Variants in STK39 observed in about 807,000 individuals in gnomAD.
The protein encoded by STK39 is STE20/SPS1-related proline-alanine-rich protein kinase.
A neutral mutation model predicts 77.8 loss-of-function variants in STK39; 20 were observed. The observed-to-expected ratio is 0.26, with a 90% CI of 0.18 to 0.37. The LOEUF (loss-of-function observed/expected upper bound fraction) is 0.37, where lower values mean the gene tolerates loss of function less well. Ranked by LOEUF, STK39 falls within the 10% of genes least tolerant of loss-of-function variation. The pLI is 1.00. For missense variants in STK39, 479 were observed against 656.5 expected, an observed-to-expected ratio of 0.73 and a Z score of 2.95; for synonymous variants, 246 against 234.1, an observed-to-expected ratio of 1.05 and a Z score of -0.47.
At chr2:168,144,957 G>A (rs1209206842) in intron 5 of STK39, among the ~76,000 whole-genome samples, 2 of 148,614 alleles carry the variant, frequency 1.3e-5, no homozygotes, top group African/African-American at 5.0e-5. Context: ...CTCCAGTCTA[G>A]GCAACAGAGT....
At chr2:168,179,757 T>C (rs1253619426) in intron 2 of STK39, among the ~76,000 whole-genome samples, 5 of 152,176 alleles carry the variant, frequency 3.3e-5, no homozygotes, top group Non-Finnish European at 7.3e-5. Flanking sequence ...CTATGCTTAC[T>C]GGTTCCAGGA....
At chr2:168,019,607 G>A (rs1684520862) in intron 14 of STK39, among the ~76,000 whole-genome samples, 1 of 152,192 alleles carries the variant, frequency 6.6e-6, no homozygotes, top group African/African-American at 2.4e-5. Flanking sequence ...ACCCTGCCCT[G>A]GAGGTGGAGT....
intron 14 of STK39, among the ~76,000 whole-genome samples, chr2:168,024,737 A>C (rs1366223061): frequency 6.6e-6 from 1 of 152,192 alleles, no homozygotes; most frequent in Non-Finnish European, 1.5e-5. Context: ...CTGCTGGGAC[A>C]TGCTTGATGT....
intron 1 of STK39, among the ~76,000 whole-genome samples, chr2:168,216,023 G>C (rs1015815247): frequency 2.6e-5 from 4 of 152,138 alleles, no homozygotes; most frequent in African/African-American, 9.7e-5. Context: ...CCCTCCCACA[G>C]GGCATTCCAA....
chr2:168,242,671 G>A (rs908865249), intron 1 of STK39, among the ~76,000 whole-genome samples: 2 of 148,178 alleles, frequency 1.3e-5, no homozygotes, highest in Admixed American at 6.8e-5. Context: ...ATCGCTGAGC[G>A]GAGGAGTTCA....
intron 10 of STK39, among the ~76,000 whole-genome samples, chr2:168,112,292 A>T (rs1172883099): frequency 6.7e-6 from 1 of 150,056 alleles, no homozygotes; most frequent in African/African-American, 2.5e-5. Context: ...TTCTTCAAAA[A>T]CCCCTCATGT....
chr2:167,956,429 C>A (rs1052103056), intron 17 of STK39, among the ~76,000 whole-genome samples: 1 of 152,044 alleles, frequency 6.6e-6, no homozygotes, highest in Admixed American at 6.6e-5. Context: ...TGGTGGCACA[C>A]ACCTGTAGTG....
intron 16 of STK39, among the ~76,000 whole-genome samples, chr2:167,985,115 T>C (rs1315280071): frequency 6.6e-6 from 1 of 152,228 alleles, no homozygotes. Flanking sequence ...GTAGACCTTT[T>C]TCTCTAGATG....
intron 2 of STK39, among the ~76,000 whole-genome samples, chr2:168,171,093 A>G (rs1199519643): frequency 6.6e-6 from 1 of 152,216 alleles, no homozygotes; most frequent in Non-Finnish European, 1.5e-5. Flanking sequence ...GCTATGGCAC[A>G]GTAGTTAATC....
intron 1 of STK39, among the ~76,000 whole-genome samples, chr2:168,185,992 T>G (rs11899129): frequency 6.6e-6 from 1 of 152,282 alleles, no homozygotes; most frequent in Non-Finnish European, 1.5e-5. Context: ...GGACTGAATG[T>G]CTGTGTTCCC....
intron 1 of STK39, among the ~76,000 whole-genome samples, chr2:168,231,718 T>C (rs554168802): frequency 6.6e-6 from 1 of 152,278 alleles, no homozygotes; most frequent in South Asian, 2.1e-4. Context: ...TGATACAGTG[T>C]GCCAGAGTGC....
intron 10 of STK39, among the ~76,000 whole-genome samples, chr2:168,077,099 C>G (rs1476429678): frequency 6.6e-6 from 1 of 152,134 alleles, no homozygotes; most frequent in East Asian, 1.9e-4. Context: ...TATTACAAAA[C>G]ATACTGTCAA....
At chr2:168,124,973 G>C (rs373901971) in intron 10 of STK39, among the ~76,000 whole-genome samples, 7 of 152,158 alleles carry the variant, frequency 4.6e-5, no homozygotes, top group African/African-American at 7.2e-5. Context: ...GGGTCTGTAG[G>C]GGGGTGGGGG....
intron 1 of STK39, among the ~76,000 whole-genome samples, chr2:168,233,436 G>A (rs895930669): frequency 7.2e-5 from 11 of 152,166 alleles, no homozygotes; most frequent in Non-Finnish European, 4.4e-5. Context: ...TCCCTACACA[G>A]ATTTTTTTCC....
At chr2:168,156,031 A>C (rs755660546) in intron 5 of STK39, among the ~76,000 whole-genome samples, 1 of 152,228 alleles carries the variant, frequency 6.6e-6, no homozygotes, top group Non-Finnish European at 1.5e-5. Context: ...GGAAGTATCC[A>C]GTCTGAAGGG....
intron 16 of STK39, among the ~76,000 whole-genome samples, chr2:168,000,068 T>C (rs1201676234): frequency 3.3e-5 from 5 of 152,212 alleles, no homozygotes; most frequent in Non-Finnish European, 2.9e-5. Context: ...GGACATCCCT[T>C]TGGGGACTCC....
chr2:168,152,834 A>G (rs1688326031), intron 5 of STK39, among the ~76,000 whole-genome samples: 1 of 152,216 alleles, frequency 6.6e-6, no homozygotes, highest in African/African-American at 2.4e-5. Flanking sequence ...ACTTAGATCA[A>G]ATATTAATAA....
chr2:168,054,581 A>AT (rs1685476535), intron 14 of STK39, among the ~76,000 whole-genome samples: 1 of 152,210 alleles, frequency 6.6e-6, no homozygotes, highest in East Asian at 1.9e-4. Flanking sequence ...AATGCCAGAC[A>AT]TTTTTTGGAT....
chr2:167,983,468 A>G (rs987697805), intron 16 of STK39, among the ~76,000 whole-genome samples: 1 of 118,830 alleles, frequency 8.4e-6, no homozygotes, highest in African/African-American at 3.3e-5. Context: ...AAAAAAAAAA[A>G]AAGAAATGAA....
Sources: gnomAD v4.1 joint callset for allele counts (sites outside exome capture counted in the v4.1 genomes callset) on GRCh38, gnomAD v4.1.1 for gene constraint, MANE v1.5 for transcripts, NCBI Gene and HGNC (gene_info 2026-07-23, HGNC 2026-07-21) for gene names.